The following KIRREL3 variants were observed in gnomAD, a reference collection of about 807,000 sequenced individuals.
KIRREL3 encodes kin of IRRE-like protein 3.
A neutral mutation model predicts 89.7 loss-of-function variants in KIRREL3; 36 were observed. The ratio of observed to expected loss-of-function variants is 0.40; its 90% confidence interval spans 0.31 to 0.53. KIRREL3 has a LOEUF of 0.53. KIRREL3 is among the 20% of genes least tolerant of loss of function. The pLI is 0.49. For missense variants in KIRREL3, 864 were observed against 1,056.6 expected (o/e 0.82, Z 2.53); for synonymous variants, 445 against 441.4 (o/e 1.01, Z -0.10).
At chr11:126,816,368 C>CTGAAGTTGAG (rs1186540772) in intron 1 of KIRREL3, among the ~76,000 whole-genome samples, 1 of 152,116 alleles carries the variant, frequency 6.6e-6, no homozygotes, top group East Asian at 1.9e-4. Flanking sequence ...TTTACGTTTC[C>CTGAAGTTGAG]TGAAGTTGAG....
intron 1 of KIRREL3, among the ~76,000 whole-genome samples, chr11:126,806,508 C>A (rs1239846295): frequency 6.6e-6 from 1 of 152,154 alleles, no homozygotes; most frequent in Non-Finnish European, 1.5e-5. Flanking sequence ...CTAGATATGG[C>A]AGTTTCATGT....
rs1420079662 is a variant in KIRREL3 at position 126,795,482 on chromosome 11, G to T, written c.55+204973C>A. On this transcript the variant is annotated intron_variant, in intron 1 of 16. Coordinates refer to ENST00000525144, the MANE Select transcript of KIRREL3 (RefSeq NM_032531.4). This position sits in a 1 kb window ranked among gnomAD's most constrained non-coding sequence, Gnocchi z 4.1. The stretch of plus-strand genomic sequence containing the variant: ...CTTCCCGGATTCAAGCGATTCTCCT[G>T]CCTCAGCCTCCTGAGCAGCTAGGAC... Among the ~76,000 whole-genome samples the T allele has an allele frequency of 6.6e-6, 1 of 152,122 alleles. No homozygotes were observed. Among genetic ancestry groups the T allele is most frequent in the African/African-American group, 2.4e-5 (1 of 41,434 alleles).
rs1957922755 is a variant in KIRREL3, at chr11:126,503,325, G to T, written c.433+17990C>A. 2.0e-5 allele frequency among the ~76,000 whole-genome samples: 3 copies of T among 152,114 alleles called. No individual in the cohort carries two copies. The South Asian group carries it at 6.2e-4, about 32-fold the overall frequency. On this transcript the variant is annotated intron_variant, in intron 4 of 16. Transcript: ENST00000525144. ...TGTTAAGGTGGATGTGGGCACTCGGGTAGGTACCCTGGCCTGGGAGCAGAG... is the reference window on the plus strand; with the variant it reads ...TGTTAAGGTGGATGTGGGCACTCGGTTAGGTACCCTGGCCTGGGAGCAGAG...
rs1957319872 is a variant in KIRREL3, at chr11:126,485,086, T to A, written c.434-11620A>T. On this transcript the variant is annotated intron_variant, in intron 4 of 16. Coordinates refer to ENST00000525144, the MANE Select transcript of KIRREL3 (RefSeq NM_032531.4). This position sits in a 1 kb window ranked among gnomAD's most constrained non-coding sequence, Gnocchi z 5.8. ...CCGCCCACCTTAGCCTCCAAAGTGC[T>A]GGGATTACAGCTGTGAGCCACTGCG... 6.6e-6 allele frequency among the ~76,000 whole-genome samples: 1 copy of A among 152,128 alleles called. No homozygotes were observed. Among genetic ancestry groups the A allele is most frequent in the Non-Finnish European group, 1.5e-5 (1 of 68,000 alleles).
chr11:126,423,421 G>T lies in KIRREL3; in HGVS notation c.*1159C>A, dbSNP rs1812382188. ...AATCAAAGGAGGGCAGAGAACCTTG[G>T]GTTCCCAACGCATTCTATGAGCTCT... On this transcript the variant is annotated 3_prime_UTR_variant, in exon 17 of 17. Coordinates refer to ENST00000525144, the MANE Select transcript of KIRREL3 (RefSeq NM_032531.4). 6.6e-6 allele frequency: 1 copy of T among 152,180 alleles called. No homozygotes were observed. Among genetic ancestry groups the T allele is most frequent in the Admixed American group, 6.5e-5 (1 of 15,276 alleles). The allele number at this position is 152,180 out of a possible 1,614,324, so 9.4% of individuals were successfully genotyped here. A position where few individuals can be genotyped will look rare whatever the true frequency, so the allele number is the denominator to read the frequency against.
At chr11:126,524,142 G>A (rs1404389343) in intron 3 of KIRREL3, among the ~76,000 whole-genome samples, 1 of 152,164 alleles carries the variant, frequency 6.6e-6, no homozygotes, top group Admixed American at 6.5e-5. Flanking sequence ...TGCTGTCTTG[G>A]GTGAGTTACT....
intron 1 of KIRREL3, among the ~76,000 whole-genome samples, chr11:126,731,619 C>T (rs1172241723): frequency 6.6e-6 from 1 of 152,204 alleles, no homozygotes; most frequent in African/African-American, 2.4e-5. Flanking sequence ...AATTTGCACA[C>T]CTCGTTGCTG....
intron 1 of KIRREL3, among the ~76,000 whole-genome samples, chr11:126,821,351 A>ATATATATATATATATATGTGTG (rs756545626): frequency 9.5e-6 from 1 of 105,262 alleles, no homozygotes; most frequent in Non-Finnish European, 1.9e-5. Flanking sequence ...ATATATATAT[A>ATATATATATATATATATGTGTG]TGTAACTTCC....
intron 1 of KIRREL3, among the ~76,000 whole-genome samples, chr11:126,789,782 C>A (rs778055653): frequency 6.6e-6 from 1 of 152,232 alleles, no homozygotes; most frequent in East Asian, 1.9e-4. Context: ...CTTCCAGCCC[C>A]TTCCCAGTCT....
At chr11:126,567,414 C>A (rs1262090541) in intron 1 of KIRREL3, among the ~76,000 whole-genome samples, 1 of 152,232 alleles carries the variant, frequency 6.6e-6, no homozygotes, top group Non-Finnish European at 1.5e-5. Context: ...CTTTGGACCT[C>A]CAGTCTCCAG....
chr11:126,925,690 G>A (rs189333912), intron 1 of KIRREL3, among the ~76,000 whole-genome samples: 1 of 152,196 alleles, frequency 6.6e-6, no homozygotes, highest in Non-Finnish European at 1.5e-5. Context: ...ACTGGGTTAA[G>A]GTGAGAACGT....
Position 126,939,080 on chromosome 11 carries a change from A to G in KIRREL3, c.55+61375T>C, listed in dbSNP as rs116089689. 4.5e-3 allele frequency among the ~76,000 whole-genome samples: 693 copies of G among 152,344 alleles called. 4 individuals carry two copies. The highest frequency in any genetic ancestry group is 0.016 in the African/African-American group (650 of 41,578). Reference sequence around the variant, plus strand: ...CGGACCCGCAGTGATGCCTGTTGTTATCAATGTATGGATAGTATTGGTAGT... The same window carrying G: ...CGGACCCGCAGTGATGCCTGTTGTTGTCAATGTATGGATAGTATTGGTAGT... On this transcript the variant is annotated intron_variant, in intron 1 of 16. Coordinates refer to ENST00000525144, the MANE Select transcript of KIRREL3 (RefSeq NM_032531.4).
In KIRREL3 at chr11:126,531,513, G is replaced by A. The variant is rs957671126; in HGVS notation, c.134-4826C>T. On this transcript the variant is annotated intron_variant, in intron 2 of 16. Coordinates refer to ENST00000525144, the MANE Select transcript of KIRREL3 (RefSeq NM_032531.4). This position sits in a 1 kb window ranked among gnomAD's most constrained non-coding sequence, Gnocchi z 4.7. ...TAGTCACTAAGGTCACCTGCCTCGAGTTCTCCTCGATGTTTCATTGTCCTG... is the reference window on the plus strand; with the variant it reads ...TAGTCACTAAGGTCACCTGCCTCGAATTCTCCTCGATGTTTCATTGTCCTG... 6.6e-6 allele frequency among the ~76,000 whole-genome samples: 1 copy of A among 151,998 alleles called. No homozygotes were observed. Among genetic ancestry groups the A allele is most frequent in the Non-Finnish European group, 1.5e-5 (1 of 68,020 alleles).
intron 2 of KIRREL3, among the ~76,000 whole-genome samples, chr11:126,536,111 C>T (rs562063081): frequency 6.6e-6 from 1 of 151,300 alleles, no homozygotes; most frequent in Admixed American, 6.6e-5. Flanking sequence ...GACTCCATCT[C>T]AAAAAAAAAG....
rs113738632 is a variant in KIRREL3, at chr11:126,534,006, G to C, written c.134-7319C>G. 6.7e-3 allele frequency among the ~76,000 whole-genome samples: 1,027 copies of C among 152,282 alleles called. 7 individuals carry two copies. The highest frequency in any genetic ancestry group is 0.023 in the African/African-American group (963 of 41,556). On this transcript the variant is annotated intron_variant, in intron 2 of 16. Coordinates refer to ENST00000525144, the MANE Select transcript of KIRREL3 (RefSeq NM_032531.4). ...AGGTGGCTCTCTATTGGTGTGAAAGGGGGAGGCAAGGGTGGACTTTTAATT... is the reference window on the plus strand; with the variant it reads ...AGGTGGCTCTCTATTGGTGTGAAAGCGGGAGGCAAGGGTGGACTTTTAATT...
Position 126,522,931 on chromosome 11 carries a change from G to C in KIRREL3, c.284-1467C>G, listed in dbSNP as rs746367796. ...GACGGGTGCTGTAGGAGGATGAGAC[G>C]GGACACATTCAGCCTTTTAAAGAGA... On this transcript the variant is annotated intron_variant, in intron 3 of 16. Transcript: ENST00000525144. The surrounding 1 kb of genome is among the most constrained non-coding windows in gnomAD (Gnocchi z 6.0). Among the ~76,000 whole-genome samples the C allele has an allele frequency of 2.6e-5, 4 of 152,176 alleles. No individual in the cohort carries two copies. The highest frequency in any genetic ancestry group is 2.9e-5 in the Non-Finnish European group (2 of 68,030).
Position 126,430,988 on chromosome 11 carries a change from C to G in KIRREL3, c.1696+431G>C, listed in dbSNP as rs891172530. 5.4e-6 allele frequency: 6 copies of G among 1,110,002 alleles called. No individual in the cohort carries two copies. The highest frequency in any genetic ancestry group is 3.9e-4 in the Middle Eastern group (1 of 2,562). The allele number at this position is 1,110,002 out of a possible 1,614,324, so 68.8% of individuals were successfully genotyped here. On this transcript the variant is annotated intron_variant, in intron 14 of 16. Coordinates refer to ENST00000525144, the MANE Select transcript of KIRREL3 (RefSeq NM_032531.4). The surrounding 1 kb of genome is among the most constrained non-coding windows in gnomAD (Gnocchi z 6.6). ...TTTATTGCTTCCCCACCCACTCCCC[C>G]ACAGCTGTGTGAGTGACCTGCTTTT...
In KIRREL3 at chr11:126,655,805, T is replaced by C. The variant is rs1945110008; in HGVS notation, c.56-92893A>G. Among the ~76,000 whole-genome samples the C allele has an allele frequency of 6.6e-6, 1 of 152,346 alleles. No individual in the cohort carries two copies. Among genetic ancestry groups the C allele is most frequent in the East Asian group, 1.9e-4 (1 of 5,188 alleles). Reference sequence around the variant, plus strand: ...AGCATGATAAAAATTCTGTCCACTCTACCAAAATGGGAGAAGCAATAGCAA... The same window carrying C: ...AGCATGATAAAAATTCTGTCCACTCCACCAAAATGGGAGAAGCAATAGCAA... On this transcript the variant is annotated intron_variant, in intron 1 of 16. Coordinates refer to ENST00000525144, the MANE Select transcript of KIRREL3 (RefSeq NM_032531.4). This position sits in a 1 kb window ranked among gnomAD's most constrained non-coding sequence, Gnocchi z 5.0.
rs983649862 is a variant in KIRREL3, at chr11:126,719,667, C to T, written c.56-156755G>A. Among the ~76,000 whole-genome samples the T allele has an allele frequency of 2.0e-5, 3 of 152,184 alleles. No individual in the cohort carries two copies. Among genetic ancestry groups the T allele is most frequent in the Non-Finnish European group, 4.4e-5 (3 of 68,030 alleles). On this transcript the variant is annotated intron_variant, in intron 1 of 16. Transcript: ENST00000525144. This position sits in a 1 kb window ranked among gnomAD's most constrained non-coding sequence, Gnocchi z 4.7. The stretch of plus-strand genomic sequence containing the variant: ...CTCAGCCAATGGCAACTTATCCTTC[C>T]TTTTGCGACTTCTAAGGCCACAACC...
Sources: gnomAD v4.1 joint callset for allele counts (sites outside exome capture counted in the v4.1 genomes callset) on GRCh38, gnomAD v4.1.1 for gene constraint, Gnocchi (gnomAD v3.1) non-coding constraint, MANE v1.5 for transcripts, NCBI Gene and HGNC (gene_info 2026-07-23, HGNC 2026-07-21) for gene names.